The following DENND1A variants were observed in gnomAD, a reference collection of about 807,000 sequenced individuals.
The protein encoded by DENND1A is DENN domain-containing protein 1A.
In DENND1A, 51 loss-of-function variants were observed where a neutral mutation model predicts 113.7. That is an observed-to-expected ratio of 0.45 (90% confidence interval 0.36 to 0.57). The LOEUF (loss-of-function observed/expected upper bound fraction) is 0.57. Among genes scored for constraint, DENND1A ranks in the 20% least tolerant of loss-of-function variants. DENND1A has a pLI of 0.00. For synonymous variants in DENND1A, 565 were observed against 570.8 expected, an observed-to-expected ratio of 0.99 and a Z score of 0.14; for missense variants, 1,258 against 1,395.9, an observed-to-expected ratio of 0.90 and a Z score of 1.57.
At chr9:123,669,885 C>T (rs1054243809) in intron 7 of DENND1A, among the ~76,000 whole-genome samples, 1 of 152,138 alleles carries the variant, frequency 6.6e-6, no homozygotes, top group African/African-American at 2.4e-5. Flanking sequence ...CCTTCCTTCT[C>T]TCCCTCTCCT....
chr9:123,440,549 C>A (rs1317846768), intron 18 of DENND1A, 58 bp from the exon 19 acceptor site: 3 of 1,501,966 alleles, frequency 2.0e-6, no homozygotes, highest in East Asian at 5.3e-5. Flanking sequence ...CATGTTCCCT[C>A]TCACCCCACA....
At chr9:123,581,169 G>C (rs777011305) in intron 12 of DENND1A, among the ~76,000 whole-genome samples, 3 of 152,022 alleles carry the variant, frequency 2.0e-5, no homozygotes, top group Non-Finnish European at 4.4e-5. Flanking sequence ...GCGGGAGTAA[G>C]GAAAAGACCA....
chr9:123,446,119 T>G (rs115794406), intron 18 of DENND1A, among the ~76,000 whole-genome samples: 17,082 of 152,156 alleles, frequency 0.11, 1,103 homozygotes, highest in Middle Eastern at 0.16. Context: ...AAACACCACA[T>G]CTCCATGTGG....
chr9:123,457,573 C>G (rs894192707), intron 14 of DENND1A, 138 bp from the exon 15 acceptor site: 6 of 797,596 alleles, frequency 7.5e-6, no homozygotes, highest in African/African-American at 1.7e-5. Flanking sequence ...TTCTAAAATA[C>G]CGGCTGCATA....
intron 5 of DENND1A, among the ~76,000 whole-genome samples, chr9:123,733,408 T>C (rs1426711040): frequency 6.6e-6 from 1 of 151,674 alleles, no homozygotes; most frequent in Non-Finnish European, 1.5e-5. Context: ...GCCTCCTAAG[T>C]AATTGGGACT....
chr9:123,429,808 G>T (rs1288943871), intron 19 of DENND1A, among the ~76,000 whole-genome samples: 1 of 152,128 alleles, frequency 6.6e-6, no homozygotes, highest in African/African-American at 2.4e-5. Flanking sequence ...TGACGAAAAT[G>T]CCAAAAGCAA....
At chr9:123,765,174 G>A (rs1828575488) in intron 4 of DENND1A, among the ~76,000 whole-genome samples, 1 of 152,066 alleles carries the variant, frequency 6.6e-6, no homozygotes, top group African/African-American at 2.4e-5. Flanking sequence ...CGTTTGTTAG[G>A]CTACTTATGC....
At chr9:123,435,599 T>C (rs556613598) in intron 19 of DENND1A, among the ~76,000 whole-genome samples, 1 of 152,248 alleles carries the variant, frequency 6.6e-6, no homozygotes, top group Non-Finnish European at 1.5e-5. Flanking sequence ...AACTACTTTG[T>C]TTGCAGATCA....
intron 19 of DENND1A, chr9:123,437,734 C>T (rs2046631734): frequency 6.6e-6 from 1 of 152,078 alleles, no homozygotes; most frequent in Non-Finnish European, 1.5e-5. Context: ...GGCAGGTTCT[C>T]TCACGTCTCT....
intron 1 of DENND1A, among the ~76,000 whole-genome samples, chr9:123,897,531 A>G (rs1352738317): frequency 2.0e-5 from 3 of 152,188 alleles, no homozygotes; most frequent in Admixed American, 6.5e-5. Flanking sequence ...CTACATACAC[A>G]ATCATGGGAA....
intron 2 of DENND1A, among the ~76,000 whole-genome samples, chr9:123,871,588 T>C (rs970359254): frequency 6.6e-6 from 1 of 152,144 alleles, no homozygotes; most frequent in Non-Finnish European, 1.5e-5. Flanking sequence ...AATATAGAAA[T>C]GTGTATAGTT....
At chr9:123,652,311 A>G (rs1207215045) in intron 8 of DENND1A, 188 bp from the exon 9 acceptor site, 1 of 534,954 alleles carries the variant, frequency 1.9e-6, no homozygotes, top group Admixed American at 3.2e-5. Context: ...GTTGGAAGAC[A>G]CCTTACAGAG....
chr9:123,398,560 G>A (rs1373258975), intron 21 of DENND1A, among the ~76,000 whole-genome samples: 2 of 150,932 alleles, frequency 1.3e-5, no homozygotes, highest in East Asian at 3.9e-4. Flanking sequence ...ATTTTTTTTA[G>A]TAGAGACGGG....
chr9:123,600,899 T>C (rs1303483417), intron 11 of DENND1A, among the ~76,000 whole-genome samples: 1 of 151,964 alleles, frequency 6.6e-6, no homozygotes, highest in Non-Finnish European at 1.5e-5. Flanking sequence ...CTCAGGTCCA[T>C]ATGACTCCAG....
At chr9:123,437,606 G>C (rs1285708569) in intron 19 of DENND1A, 3 of 152,176 alleles carry the variant, frequency 2.0e-5, no homozygotes, top group Non-Finnish European at 4.4e-5. Context: ...GCCAGGGCAG[G>C]GTACAGTAGC....
intron 13 of DENND1A, among the ~76,000 whole-genome samples, chr9:123,521,535 A>T (rs2054395231): frequency 6.6e-6 from 1 of 152,230 alleles, no homozygotes; most frequent in Non-Finnish European, 1.5e-5. Context: ...ACAAGCTATA[A>T]TTACAATAAA....
rs76009297 is a variant in DENND1A, at chr9:123,701,138, G to A, written c.303-24349C>T. Among the ~76,000 whole-genome samples the A allele has an allele frequency of 8.6e-4, 131 of 152,262 alleles. 1 individual carries two copies. The highest frequency in any genetic ancestry group is 1.5e-3 in the Non-Finnish European group (101 of 68,012). ...AATCTCTGTGCTCTTAAGTTATGCA[G>A]AGATTTCACAGAACACAAAAAGCAT... On this transcript the variant is annotated intron_variant, in intron 5 of 23. Transcript: ENST00000394215.
At chr9:123,673,461 T>A (rs1206741289) in intron 6 of DENND1A, among the ~76,000 whole-genome samples, 3 of 152,226 alleles carry the variant, frequency 2.0e-5, no homozygotes, top group Non-Finnish European at 4.4e-5. Context: ...ATTCCTTACT[T>A]TTTGGCAGAA....
intron 13 of DENND1A, among the ~76,000 whole-genome samples, chr9:123,533,951 C>T (rs1019695060): frequency 9.2e-5 from 14 of 152,164 alleles, no homozygotes; most frequent in Admixed American, 4.6e-4. Context: ...CTAGAGGGGT[C>T]TGGACCTCAG....
Sources: gnomAD v4.1 joint callset for allele counts (sites outside exome capture counted in the v4.1 genomes callset) on GRCh38, gnomAD v4.1.1 for gene constraint, MANE v1.5 for transcripts, NCBI Gene and HGNC (gene_info 2026-07-23, HGNC 2026-07-21) for gene names.